Variants in CACNA2D3 observed in about 807,000 individuals in gnomAD.
CACNA2D3 encodes the protein calcium voltage-gated channel auxiliary subunit alpha2delta 3, also known as voltage-dependent calcium channel subunit alpha-2/delta-3.
CACNA2D3 carries 60 observed loss-of-function variants against 160.6 expected under a neutral mutation model. That is an observed-to-expected ratio of 0.37 (90% CI 0.30 to 0.46). The LOEUF (loss-of-function observed/expected upper bound fraction) is 0.46. CACNA2D3 is among the 20% of genes least tolerant of loss of function. The pLI, the probability that CACNA2D3 is intolerant of heterozygous loss-of-function variation, is 1.00. For missense variants in CACNA2D3, 1,205 were observed against 1,365.0 expected (o/e 0.88, Z 1.85); for synonymous variants, 558 against 492.9 (o/e 1.13, Z -1.75).
chr3:54,627,034 G>A (rs1699134013), intron 9 of CACNA2D3, among the ~76,000 whole-genome samples: 1 of 152,162 alleles, frequency 6.6e-6, no homozygotes, highest in African/African-American at 2.4e-5. Flanking sequence ...AGCTCTTCTG[G>A]ATTTCTAGCC....
intron 11 of CACNA2D3, among the ~76,000 whole-genome samples, chr3:54,685,132 CA>C (rs2106921242): frequency 6.6e-6 from 1 of 152,238 alleles, no homozygotes; most frequent in South Asian, 2.1e-4. Context: ...GGTGGTTCAA[CA>C]GCCGAAAAAT....
chr3:54,897,960 C>G (rs151267667), intron 26 of CACNA2D3, among the ~76,000 whole-genome samples: 2 of 152,056 alleles, frequency 1.3e-5, no homozygotes, highest in Admixed American at 6.5e-5. Context: ...CTTTTCAGGT[C>G]TAAGGTTCTT....
intron 4 of CACNA2D3, among the ~76,000 whole-genome samples, chr3:54,455,392 G>C (rs763279832): frequency 6.6e-6 from 1 of 152,066 alleles, no homozygotes; most frequent in Non-Finnish European, 1.5e-5. Context: ...ATTATTTTGA[G>C]AGATGTCCAC....
intron 35 of CACNA2D3, among the ~76,000 whole-genome samples, chr3:55,058,691 A>G (rs1026128891): frequency 1.2e-4 from 18 of 152,218 alleles, no homozygotes; most frequent in African/African-American, 4.3e-4. Context: ...TGTGATTCCT[A>G]TTCATTGCAG....
intron 27 of CACNA2D3, among the ~76,000 whole-genome samples, chr3:54,931,444 T>C (rs1701189762): frequency 6.6e-6 from 1 of 152,192 alleles, no homozygotes; most frequent in African/African-American, 2.4e-5. Context: ...TGCTAGGCAG[T>C]GCCTTTTCTT....
At chr3:54,335,778 G>T (rs966348137) in intron 3 of CACNA2D3, among the ~76,000 whole-genome samples, 2 of 151,938 alleles carry the variant, frequency 1.3e-5, no homozygotes, top group South Asian at 4.2e-4. Flanking sequence ...GGCTGAGGCG[G>T]GCGGATCATG....
chr3:54,209,651 A>G (rs969763578), intron 2 of CACNA2D3, among the ~76,000 whole-genome samples: 2 of 152,238 alleles, frequency 1.3e-5, no homozygotes, highest in Admixed American at 6.5e-5. Flanking sequence ...AGAATCTCTC[A>G]TCTCATTGTC....
chr3:54,635,390 G>A (rs1234003194), intron 10 of CACNA2D3, among the ~76,000 whole-genome samples: 1 of 152,016 alleles, frequency 6.6e-6, no homozygotes, highest in Non-Finnish European at 1.5e-5. Context: ...AGCTATGATG[G>A]CTTGGAGAAA....
intron 9 of CACNA2D3, among the ~76,000 whole-genome samples, chr3:54,605,577 C>T (rs1320895729): frequency 1.3e-5 from 2 of 152,158 alleles, no homozygotes; most frequent in South Asian, 4.2e-4. Context: ...ACCCACCATA[C>T]AGAACACTTG....
At chr3:54,901,655 T>C (rs1487752849) in intron 27 of CACNA2D3, among the ~76,000 whole-genome samples, 1 of 152,220 alleles carries the variant, frequency 6.6e-6, no homozygotes, top group Middle Eastern at 3.2e-3. Flanking sequence ...TTTCAGAAGA[T>C]AATTACAGAG....
intron 27 of CACNA2D3, chr3:54,918,757 G>T: frequency 6.2e-7 from 1 of 1,614,150 alleles, no homozygotes; most frequent in Non-Finnish European, 8.5e-7. Context: ...GGCAGAGCCG[G>T]GCCACTGAGC....
intron 17 of CACNA2D3, among the ~76,000 whole-genome samples, chr3:54,850,469 C>T (rs748309396): frequency 1.3e-5 from 2 of 152,118 alleles, no homozygotes; most frequent in African/African-American, 2.4e-5. Flanking sequence ...TGTTTTCTTG[C>T]TTTTTATAAT....
intron 4 of CACNA2D3, among the ~76,000 whole-genome samples, chr3:54,392,864 C>A (rs1363309187): frequency 6.6e-6 from 1 of 152,054 alleles, no homozygotes; most frequent in African/African-American, 2.4e-5. Context: ...TCACCATCCA[C>A]TAGGAAAAGG....
chr3:54,404,148 A>G (rs1402871080), intron 4 of CACNA2D3, among the ~76,000 whole-genome samples: 1 of 152,220 alleles, frequency 6.6e-6, no homozygotes, highest in African/African-American at 2.4e-5. Flanking sequence ...TGAAGCCAGC[A>G]TCACCTTGGT....
At chr3:54,131,627 G>C (rs1699709766) in intron 2 of CACNA2D3, among the ~76,000 whole-genome samples, 1 of 152,188 alleles carries the variant, frequency 6.6e-6, no homozygotes, top group African/African-American at 2.4e-5. Context: ...TCATGAACAA[G>C]AGAGACTTGG....
Position 54,752,650 on chromosome 3 carries a change from C to G in CACNA2D3, c.1219C>G (p.Leu407Val). 6.2e-7 allele frequency: 1 copy of G among 1,613,330 alleles called. No homozygotes were observed. Among genetic ancestry groups the G allele is most frequent in the South Asian group, 1.1e-5 (1 of 90,804 alleles). Reference sequence around the variant, plus strand: ...ACGAGAGGCTGCGTTTGCAGACAATCTAAAGTGGATGGCCTGTGCCAACAA... The same window carrying G: ...ACGAGAGGCTGCGTTTGCAGACAATGTAAAGTGGATGGCCTGTGCCAACAA... Reference protein sequence around the residue: ...IGREAAFADNLKWMACANKGF... With the variant: ...IGREAAFADNVKWMACANKGF... Residue 407 changes from leucine (L) to valine (V), a missense_variant, in exon 12 of 38, where the codon CTA becomes GTA. Physicochemically the swap from Leu to Val is conservative, Grantham distance 32. Coordinates refer to ENST00000474759, the MANE Select transcript of CACNA2D3 (RefSeq NM_018398.3).
At chr3:54,942,163 T>G (rs1416338211) in intron 27 of CACNA2D3, among the ~76,000 whole-genome samples, 1 of 152,220 alleles carries the variant, frequency 6.6e-6, no homozygotes, top group Admixed American at 6.5e-5. Context: ...CAGAATGATT[T>G]CTGCAACAGG....
intron 17 of CACNA2D3, among the ~76,000 whole-genome samples, chr3:54,860,128 A>AAAGGTTG (rs1699260037): frequency 6.6e-6 from 1 of 152,152 alleles, no homozygotes; most frequent in African/African-American, 2.4e-5. Flanking sequence ...GGCCAAGCAG[A>AAAGGTTG]AAGGTTGGCC....
intron 31 of CACNA2D3, among the ~76,000 whole-genome samples, chr3:54,988,739 T>A (rs982791646): frequency 6.6e-6 from 1 of 152,206 alleles, no homozygotes; most frequent in Non-Finnish European, 1.5e-5. Flanking sequence ...CTGAGCACTT[T>A]GCTGAAAGCA....
Sources: allele counts gnomAD v4.1 joint callset (sites outside exome capture counted in the v4.1 genomes callset), GRCh38; gene constraint gnomAD v4.1.1; transcripts MANE v1.5; gene names NCBI Gene and HGNC (gene_info 2026-07-23, HGNC 2026-07-21).